The following LRIF1 variants were observed in gnomAD, a reference collection of about 807,000 sequenced individuals.
LRIF1 encodes the protein ligand-dependent nuclear receptor-interacting factor 1.
In LRIF1, 32 loss-of-function variants were observed where a neutral mutation model predicts 52.7. That is an observed-to-expected ratio of 0.61 (90% CI 0.46 to 0.82). The LOEUF is 0.82. Among genes scored for constraint, LRIF1 ranks in the 40% least tolerant of loss-of-function variants. The probability of loss-of-function intolerance (pLI) is 0.00; values close to 1 mark genes in which losing one functional copy is unlikely to be tolerated. For missense variants in LRIF1, 887 were observed against 892.0 expected, an observed-to-expected ratio of 0.99 and a Z score of 0.07; for synonymous variants, 323 against 317.4, an observed-to-expected ratio of 1.02 and a Z score of -0.19.
intron 1 of LRIF1, among the ~76,000 whole-genome samples, chr1:110,959,972 A>G (rs540897840): frequency 5.1e-4 from 78 of 152,202 alleles, no homozygotes; most frequent in African/African-American, 1.8e-3. Context: ...CTATGACATA[A>G]CATTATATAC....
chr1:110,875,435 C>T, the LRIF1 span, among the ~76,000 whole-genome samples: 2 of 152,128 alleles, frequency 1.3e-5, no homozygotes, highest in Non-Finnish European at 2.9e-5. Flanking sequence ...GCCTCCTCAA[C>T]CTAGATTTTC....
At chr1:110,917,017 T>C in the LRIF1 span, among the ~76,000 whole-genome samples, 46 of 152,246 alleles carry the variant, frequency 3.0e-4, no homozygotes, top group African/African-American at 1.1e-3. Context: ...TTTTTTACAC[T>C]AGCGAGTTCA....
chr1:110,897,975 AT>A, the LRIF1 span: 6 of 677,856 alleles, frequency 8.9e-6, no homozygotes, highest in Admixed American at 2.5e-5. Flanking sequence ...GGTACACAGT[AT>A]TTACACAATA....
At chr1:110,963,197 G>A (rs1441471272) in intron 1 of LRIF1, 1 of 153,590 alleles carries the variant, frequency 6.5e-6, no homozygotes, top group Non-Finnish European at 1.5e-5. Flanking sequence ...CACCCTTTCT[G>A]TCTCACTATT....
intron 1 of LRIF1, among the ~76,000 whole-genome samples, chr1:110,962,921 A>C (rs1201441608): frequency 6.6e-6 from 1 of 152,190 alleles, no homozygotes; most frequent in African/African-American, 2.4e-5. Context: ...AATTTAAAAA[A>C]AAAAACCCAA....
At chr1:110,884,979 GT>G in the LRIF1 span, among the ~76,000 whole-genome samples, 2 of 151,902 alleles carry the variant, frequency 1.3e-5, no homozygotes, top group African/African-American at 4.8e-5. Flanking sequence ...TAGCATATTT[GT>G]TTTTTATTTG....
the LRIF1 span, among the ~76,000 whole-genome samples, chr1:110,902,248 T>G: frequency 1.3e-5 from 2 of 152,192 alleles, no homozygotes; most frequent in Admixed American, 1.3e-4. Flanking sequence ...TTATTATAGC[T>G]GTCAAGCCCT....
downstream of LRIF1, among the ~76,000 whole-genome samples, chr1:110,946,384 T>C (rs1181709185): frequency 1.3e-5 from 2 of 152,190 alleles, no homozygotes; most frequent in Non-Finnish European, 2.9e-5. Flanking sequence ...TTGGGGGATG[T>C]TTTGAACATT....
At chr1:110,901,919 C>T in the LRIF1 span, among the ~76,000 whole-genome samples, 21 of 152,308 alleles carry the variant, frequency 1.4e-4, no homozygotes, top group South Asian at 3.5e-3. Flanking sequence ...CCTAGTTTTC[C>T]TAGCCAGAAG....
At position 110,951,470 on chromosome 1, in the gene LRIF1, A is replaced by G. The variant is rs144476048; in HGVS notation, c.1414T>C (p.Leu472=). The part of the protein sequence containing the change: ...SSNYLKQSKT[L]FTNPIFPVGF... The stretch of plus-strand genomic sequence containing the variant: ...ACTGGAAAGATTGGATTTGTGAATA[A>G]AGTCTTACTCTGTTTTAAGTAGTTA... The change falls in exon 2 of 4, where the codon TTA becomes CTA. Residue 472 remains leucine (L), a synonymous_variant. Coordinates refer to ENST00000369763, the MANE Select transcript of LRIF1 (RefSeq NM_018372.4). 1 of 1,613,948 alleles carries G rather than the reference A, an allele frequency of 6.2e-7. No individual in the cohort carries two copies. The highest frequency in any genetic ancestry group is 1.1e-5 in the South Asian group (1 of 91,072).
chr1:110,877,312 C>T, the LRIF1 span, among the ~76,000 whole-genome samples: 39 of 152,294 alleles, frequency 2.6e-4, 1 homozygote, highest in South Asian at 1.0e-3. Flanking sequence ...AGTGGCTTTT[C>T]TTATCCCACA....
At chr1:110,902,513 A>AAAAAAAAG in the LRIF1 span, among the ~76,000 whole-genome samples, 1 of 149,052 alleles carries the variant, frequency 6.7e-6, no homozygotes, top group East Asian at 2.0e-4. Flanking sequence ...AAAAAAAAAA[A>AAAAAAAAG]AAAAAAAGAA....
chr1:110,948,161 T>C lies in LRIF1; in HGVS notation c.2108A>G (p.Gln703Arg). Reference protein sequence around the residue: ...TEMEYYTHEKQEKGTLNSNAA... With the variant: ...TEMEYYTHEKREKGTLNSNAA... ...ATTTGAATTCAAAGTGCCTTTCTCT[T>C]GCTTCTCATGGGTATAGTATTCCAT... Residue 703 changes from glutamine (Q) to arginine (R), a missense_variant, in exon 4 of 4, where the codon CAA becomes CGA. Coordinates refer to ENST00000369763, the MANE Select transcript of LRIF1 (RefSeq NM_018372.4). 6.2e-7 allele frequency: 1 copy of C among 1,614,136 alleles called. No individual in the cohort carries two copies. The highest frequency in any genetic ancestry group is 1.7e-4 in the Middle Eastern group (1 of 6,060).
chr1:110,896,379 C>T, the LRIF1 span, among the ~76,000 whole-genome samples: 2 of 152,156 alleles, frequency 1.3e-5, no homozygotes, highest in Non-Finnish European at 2.9e-5. Flanking sequence ...TCAGCCTAAT[C>T]CCTCCATTAT....
At chr1:110,921,467 T>A in the LRIF1 span, among the ~76,000 whole-genome samples, 12 of 152,074 alleles carry the variant, frequency 7.9e-5, no homozygotes, top group Non-Finnish European at 1.3e-4. Flanking sequence ...CCAACTTTTT[T>A]AAAAATCATA....
the LRIF1 span, chr1:110,941,442 C>T: frequency 1.2e-4 from 19 of 152,092 alleles, no homozygotes; most frequent in Middle Eastern, 6.8e-3. Context: ...AATATATGTA[C>T]TTAGTTGTTC....
At chr1:110,882,459 G>T in the LRIF1 span, among the ~76,000 whole-genome samples, 1 of 151,876 alleles carries the variant, frequency 6.6e-6, no homozygotes, top group African/African-American at 2.4e-5. Context: ...GTGCTATCCT[G>T]TCTTTATTGT....
the LRIF1 span, chr1:110,891,288 C>G: frequency 1.2e-6 from 1 of 821,774 alleles, no homozygotes; most frequent in Admixed American, 1.9e-5. Context: ...AGAGCCACAG[C>G]TCAAACCCAA....
Position 110,952,595 on chromosome 1 carries a change from T to C in LRIF1, c.289A>G (p.Ile97Val). ...SSTSASVQLP[I>V]FQPASSSNYF... is the part of the protein sequence containing the mutation. ...TTTGAAGAACTGGCTGGCTGAAAAATGGGCAATTGAACTGATGCACTTGTG... is the reference window on the plus strand; with the variant it reads ...TTTGAAGAACTGGCTGGCTGAAAAACGGGCAATTGAACTGATGCACTTGTG... Residue 97 changes from isoleucine (I) to valine (V), a missense_variant, in exon 2 of 4, where the codon ATT (isoleucine) becomes GTT (valine). Physicochemically the swap from Ile to Val is conservative, Grantham distance 29. Transcript: ENST00000369763. 6.2e-7 allele frequency: 1 copy of C among 1,613,930 alleles called. No individual in the cohort carries two copies. The highest frequency in any genetic ancestry group is 8.5e-7 in the Non-Finnish European group (1 of 1,179,822).
Sources: allele counts gnomAD v4.1 joint callset (sites outside exome capture counted in the v4.1 genomes callset), GRCh38; gene constraint gnomAD v4.1.1; transcripts MANE v1.5; gene names NCBI Gene and HGNC (gene_info 2026-07-23, HGNC 2026-07-21).